The following DLC1 variants were observed in gnomAD, a reference collection of about 807,000 sequenced individuals.
DLC1 encodes DLC1 Rho GTPase activating protein.
DLC1 carries 54 observed loss-of-function variants against 140.3 expected under a neutral mutation model. The ratio of observed to expected loss-of-function variants is 0.38; its 90% confidence interval spans 0.31 to 0.48. The LOEUF (loss-of-function observed/expected upper bound fraction) is 0.48, where lower values mean the gene tolerates loss of function less well. Ranked by LOEUF, DLC1 falls within the 20% of genes least tolerant of loss-of-function variation. DLC1 has a pLI of 0.96. For missense variants in DLC1, 2,536 were observed against 1,907.0 expected (o/e 1.33, Z -6.14); for synonymous variants, 986 against 728.1 (o/e 1.35, Z -5.70).
chr8:13,487,800 T>C (rs1801040373), intron 2 of DLC1, among the ~76,000 whole-genome samples: 2 of 152,164 alleles, frequency 1.3e-5, no homozygotes, highest in African/African-American at 4.8e-5. Context: ...CTTGAACTCC[T>C]GACCTTGTGA....
rs115566104 is a variant in DLC1 at position 13,520,950 on chromosome 8, G to A, written c.-125-20754C>T. 4.6e-3 allele frequency among the ~76,000 whole-genome samples: 697 copies of A among 152,218 alleles called. 7 individuals are homozygous for A. The highest frequency in any genetic ancestry group is 0.016 in the African/African-American group (677 of 41,546). Reference sequence around the variant, plus strand: ...TCCTCAATTCATGGCCAAAAAAAGGGTCCATATATCTTTAGTATGTTCAAG... The same window carrying A: ...TCCTCAATTCATGGCCAAAAAAAGGATCCATATATCTTTAGTATGTTCAAG... On this transcript the variant is annotated intron_variant, in intron 1 of 1. Coordinates refer to the DLC1 transcript ENST00000631382.
intron 5 of DLC1, among the ~76,000 whole-genome samples, chr8:13,144,021 C>G (rs1447125425): frequency 6.6e-6 from 1 of 152,100 alleles, no homozygotes; most frequent in Non-Finnish European, 1.5e-5. Flanking sequence ...GGCAACTTGA[C>G]TGGGTAAAAA....
chr8:13,382,529 A>AAAAAAAAGAAAG lies in DLC1; in HGVS notation c.1314+11023_1314+11024insCTTTCTTTTTTT, dbSNP rs557423876. Among the ~76,000 whole-genome samples, 16 of 109,432 alleles carry AAAAAAAAGAAAG rather than the reference A, an allele frequency of 1.5e-4. 2 individuals are homozygous for AAAAAAAAGAAAG. Among genetic ancestry groups the AAAAAAAAGAAAG allele is most frequent in the South Asian group, 2.8e-4 (1 of 3,566 alleles). 71.8% of individuals were successfully genotyped at this position (109,432 alleles called of 152,430 possible). A position where few individuals can be genotyped will look rare whatever the true frequency, so the allele number is the denominator to read the frequency against. ...TCAAAAAAAAAAAAAAAAAAAAAAA[A>AAAAAAAAGAAAG]AAAGAAAGAGGAGACAGATAAGCTA... On this transcript the variant is annotated intron_variant, in intron 4 of 17. Coordinates refer to ENST00000276297, the MANE Select transcript of DLC1 (RefSeq NM_182643.3).
chr8:13,088,258 T>G (rs1489223001), intron 16 of DLC1, among the ~76,000 whole-genome samples: 2 of 152,146 alleles, frequency 1.3e-5, no homozygotes, highest in African/African-American at 4.8e-5. Flanking sequence ...TTTTAAAATT[T>G]TTTTGTAGAG....
chr8:13,270,489 A>G (rs1005705904), intron 5 of DLC1, among the ~76,000 whole-genome samples: 2 of 152,176 alleles, frequency 1.3e-5, no homozygotes, highest in Admixed American at 6.5e-5. Context: ...GGCTCCATCT[A>G]TACAGCAATT....
At chr8:13,410,804 G>C in intron 2 of DLC1, among the ~76,000 whole-genome samples, 1 of 152,086 alleles carries the variant, frequency 6.6e-6, no homozygotes, top group South Asian at 2.1e-4. Context: ...GCCCCACAAG[G>C]GTAATCACGG....
At chr8:13,483,638 A>G (rs1455036035) in intron 2 of DLC1, among the ~76,000 whole-genome samples, 2 of 152,044 alleles carry the variant, frequency 1.3e-5, no homozygotes, top group Non-Finnish European at 2.9e-5. Flanking sequence ...GAAAAAGTTT[A>G]AGTTTGCTGT....
intron 2 of DLC1, 99 bp from the exon 3 acceptor site, chr8:13,401,718 A>G: frequency 1.4e-6 from 2 of 1,435,018 alleles, no homozygotes; most frequent in Non-Finnish European, 1.9e-6. Flanking sequence ...TACACTGGAT[A>G]ATAGGCAGTC....
At chr8:13,158,884 C>T (rs1193758721) in intron 5 of DLC1, among the ~76,000 whole-genome samples, 2 of 152,010 alleles carry the variant, frequency 1.3e-5, no homozygotes, top group East Asian at 1.9e-4. Flanking sequence ...CCTGGTACAC[C>T]CAACAGACAT....
At chr8:13,247,056 T>C (rs959601949) in intron 5 of DLC1, among the ~76,000 whole-genome samples, 1 of 152,148 alleles carries the variant, frequency 6.6e-6, no homozygotes, top group Admixed American at 6.6e-5. Context: ...TCAACCACAT[T>C]GTAAGGAGCG....
intron 2 of DLC1, among the ~76,000 whole-genome samples, chr8:13,419,010 CTGTT>C (rs1282963769): frequency 2.0e-5 from 3 of 150,532 alleles, no homozygotes; most frequent in Admixed American, 1.3e-4. Flanking sequence ...ATTTGGCTCT[CTGTT>C]TGTCTGTTAT....
At chr8:13,435,924 G>A (rs769185927) in intron 2 of DLC1, among the ~76,000 whole-genome samples, 34 of 152,152 alleles carry the variant, frequency 2.2e-4, no homozygotes, top group Admixed American at 3.9e-4. Flanking sequence ...ACTCCCATCA[G>A]TCAGCTGCAT....
chr8:13,120,674 A>C (rs1036496008), intron 5 of DLC1, among the ~76,000 whole-genome samples: 1 of 152,154 alleles, frequency 6.6e-6, no homozygotes, highest in African/African-American at 2.4e-5. Context: ...GTTTTCTCTA[A>C]GCAAACAACA....
intron 4 of DLC1, among the ~76,000 whole-genome samples, chr8:13,365,229 T>A (rs184210669): frequency 6.6e-6 from 1 of 152,274 alleles, no homozygotes; most frequent in African/African-American, 2.4e-5. Flanking sequence ...AAAAATACTT[T>A]GAGTTAGACT....
At chr8:13,339,546 G>C (rs1242033456) in intron 4 of DLC1, 4 of 152,158 alleles carry the variant, frequency 2.6e-5, no homozygotes, top group Non-Finnish European at 5.9e-5. Context: ...ATCACATTTG[G>C]TCTCTGGTAG....
chr8:13,398,066 G>A (rs553164384), intron 3 of DLC1, among the ~76,000 whole-genome samples: 2 of 152,096 alleles, frequency 1.3e-5, no homozygotes, highest in Admixed American at 6.5e-5. Context: ...GGGAGGCAGA[G>A]GTTGCCGTGA....
chr8:13,572,153 G>T lies in DLC1; in HGVS notation c.-126+32384C>A, dbSNP rs561552935. Among the ~76,000 whole-genome samples, 120 of 148,814 alleles carry T rather than the reference G, an allele frequency of 8.1e-4. 1 individual carries two copies. Among genetic ancestry groups the T allele is most frequent in the African/African-American group, 2.9e-3 (118 of 40,528 alleles). ...CACCCAGGCTGGAATGCAGTGGCACGATCTCGCCTCACTGCAAGCTCCACC... is the reference window on the plus strand; with the variant it reads ...CACCCAGGCTGGAATGCAGTGGCACTATCTCGCCTCACTGCAAGCTCCACC... On this transcript the variant is annotated intron_variant, in intron 1 of 1. Coordinates refer to the DLC1 transcript ENST00000631382.
At chr8:13,584,141 TG>T in intron 1 of DLC1, 1 of 153,252 alleles carries the variant, frequency 6.5e-6, no homozygotes, top group Middle Eastern at 3.4e-3. Context: ...ATCAGCTGCA[TG>T]TTCTGTCCTG....
intron 4 of DLC1, among the ~76,000 whole-genome samples, chr8:13,354,919 C>A (rs1834852315): frequency 6.9e-6 from 1 of 145,506 alleles, no homozygotes; most frequent in Non-Finnish European, 1.5e-5. Flanking sequence ...TACCACTGCA[C>A]TCCAGCCTGG....
Sources: allele counts gnomAD v4.1 joint callset (sites outside exome capture counted in the v4.1 genomes callset), GRCh38; gene constraint gnomAD v4.1.1; transcripts MANE v1.5; gene names NCBI Gene and HGNC (gene_info 2026-07-23, HGNC 2026-07-21).